ARFGEF2: variants seen among roughly 807,000 people sequenced by gnomAD.
The protein encoded by ARFGEF2 is brefeldin A-inhibited guanine nucleotide-exchange protein 2.
Under a neutral mutation model 219.9 loss-of-function variants are expected in ARFGEF2, and 74 were observed. That is an observed-to-expected ratio of 0.34 (90% CI 0.28 to 0.41). The LOEUF (loss-of-function observed/expected upper bound fraction) is 0.41, where lower values mean the gene tolerates loss of function less well. Ranked by LOEUF, ARFGEF2 falls within the 10% of genes least tolerant of loss-of-function variation. The pLI, the probability that ARFGEF2 is intolerant of heterozygous loss-of-function variation, is 1.00. For synonymous variants in ARFGEF2, 733 were observed against 799.2 expected, an observed-to-expected ratio of 0.92 and a Z score of 1.40; for missense variants, 1,743 against 2,218.3, an observed-to-expected ratio of 0.79 and a Z score of 4.30.
In ARFGEF2 at chr20:49,006,022, G is replaced by A. The variant is rs766170563; in HGVS notation, c.3584+801G>A. 5.1e-4 allele frequency among the ~76,000 whole-genome samples: 77 copies of A among 151,892 alleles called. 2 individuals are homozygous for A. The highest frequency in any genetic ancestry group is 6.9e-4 in the Non-Finnish European group (47 of 67,964). On this transcript the variant is annotated intron_variant, in intron 26 of 38. Coordinates refer to ENST00000371917, the MANE Select transcript of ARFGEF2 (RefSeq NM_006420.3). ...TTTAAAATCCTGTGTTTGGCCGGGC[G>A]CGGTGGCTCATGCCTGTAATCCCAA...
Position 49,021,269 on chromosome 20 carries a change from A to C in ARFGEF2, c.4625-1782A>C, listed in dbSNP as rs1170817651. On this transcript the variant is annotated intron_variant, in intron 34 of 38. Coordinates refer to ENST00000371917, the MANE Select transcript of ARFGEF2 (RefSeq NM_006420.3). ...AAAAAAAAATTTTTTTTTTAATGAA[A>C]AAAATGAAAAAATAATTTCACAGCC... Among the ~76,000 whole-genome samples, 3 of 152,054 alleles carry C rather than the reference A, an allele frequency of 2.0e-5. No individual in the cohort carries two copies. In the East Asian group the frequency reaches 5.8e-4, roughly 30 times the overall value.
chr20:49,034,170 T>C lies in ARFGEF2; in HGVS notation c.*971T>C, dbSNP rs1232838003. 1 of 152,180 alleles carries C rather than the reference T, an allele frequency of 6.6e-6. No homozygotes were observed. The highest frequency in any genetic ancestry group is 6.5e-5 in the Admixed American group (1 of 15,284). 9.4% of individuals were successfully genotyped at this position (152,180 alleles called of 1,614,324 possible). ...GTGTCACTGCTTTGCACAGTCCCCATTAAAGGACCCTCCAGAGAGGGACAG... is the reference window on the plus strand; with the variant it reads ...GTGTCACTGCTTTGCACAGTCCCCACTAAAGGACCCTCCAGAGAGGGACAG... On this transcript the variant is annotated 3_prime_UTR_variant, in exon 39 of 39. Coordinates refer to ENST00000371917, the MANE Select transcript of ARFGEF2 (RefSeq NM_006420.3).
chr20:48,981,568 CAG>C (rs2091295987), intron 14 of ARFGEF2, among the ~76,000 whole-genome samples: 1 of 152,136 alleles, frequency 6.6e-6, no homozygotes, highest in African/African-American at 2.4e-5. Context: ...TAATATCCTG[CAG>C]AGTGTTTTCC....
At chr20:49,014,115 C>A (rs1236011374) in intron 30 of ARFGEF2, among the ~76,000 whole-genome samples, 155 bp downstream of exon 30, 1 of 151,994 alleles carries the variant, frequency 6.6e-6, no homozygotes, top group South Asian at 2.1e-4. Context: ...CTGATACTCT[C>A]CTACCAGTAT....
At chr20:48,974,637 T>C (rs2091249565) in intron 12 of ARFGEF2, 129 bp from the exon 13 acceptor site, 2 of 734,398 alleles carry the variant, frequency 2.7e-6, no homozygotes, top group Non-Finnish European at 4.8e-6. Context: ...CTGGGTTTGT[T>C]TCATTCTTAA....
rs1423806759 is a variant in ARFGEF2, at chr20:49,035,994, A to G, written c.*2795A>G. ...TGGCAGGTGACTTTTGTACGAAATG[A>G]AAAAAAAAAAACCTGTATTTTTTTT... On this transcript the variant is annotated 3_prime_UTR_variant, in exon 39 of 39. Transcript: ENST00000371917. The G allele has an allele frequency of 1.5e-5, 3 of 194,344 alleles. No homozygotes were observed. The highest frequency in any genetic ancestry group is 1.8e-4 in the Admixed American group (2 of 11,310). 12.0% of individuals were successfully genotyped at this position (194,344 alleles called of 1,614,324 possible). A position where few individuals can be genotyped will look rare whatever the true frequency, so the allele number is the denominator to read the frequency against.
intron 37 of ARFGEF2, among the ~76,000 whole-genome samples, chr20:49,030,332 T>G (rs1202312455): frequency 1.3e-5 from 2 of 152,118 alleles, no homozygotes; most frequent in African/African-American, 4.8e-5. Context: ...GGGCATTTTA[T>G]TTGTTTTTTT....
At chr20:48,940,979 T>TTA (rs1227006257) in intron 1 of ARFGEF2, among the ~76,000 whole-genome samples, 9 of 152,222 alleles carry the variant, frequency 5.9e-5, no homozygotes, top group Non-Finnish European at 1.0e-4. Flanking sequence ...GAGGGCTAAA[T>TTA]GAGCTAAAAC....
In ARFGEF2 at chr20:48,932,868, G is replaced by A. The variant is rs1008506620; in HGVS notation, c.122-8331G>A. Reference sequence around the variant, plus strand: ...GTGACTGGGAGCTAAAGGAATTTAGGGGCAGCGTTGGTTTCTGTGGGGGAA... The same window carrying A: ...GTGACTGGGAGCTAAAGGAATTTAGAGGCAGCGTTGGTTTCTGTGGGGGAA... On this transcript the variant is annotated intron_variant, in intron 1 of 38. Coordinates refer to ENST00000371917, the MANE Select transcript of ARFGEF2 (RefSeq NM_006420.3). Among the ~76,000 whole-genome samples the A allele has an allele frequency of 2.6e-5, 4 of 152,156 alleles. No homozygotes were observed. In the East Asian group the frequency reaches 7.7e-4, roughly 29 times the overall value.
In ARFGEF2 at chr20:48,921,775, GGCGGCGCGGACGGAC is replaced by G; in HGVS notation, c.-109_-95del. 1 of 1,101,134 alleles carries G rather than the reference GGCGGCGCGGACGGAC, an allele frequency of 9.1e-7. No individual in the cohort carries two copies. The highest frequency in any genetic ancestry group is 1.1e-6 in the Non-Finnish European group (1 of 887,104). The allele number at this position is 1,101,134 out of a possible 1,614,324, so 68.2% of individuals were successfully genotyped here. A position where few individuals can be genotyped will look rare whatever the true frequency, so the allele number is the denominator to read the frequency against. On this transcript the variant is annotated 5_prime_UTR_variant, in exon 1 of 39. Coordinates refer to ENST00000371917, the MANE Select transcript of ARFGEF2 (RefSeq NM_006420.3). ...GGGCCGAGGTGTCGCTTCCTGACGG[GGCGGCGCGGACGGAC>G]GCGGCCGGTGCCGGCCGGGACGCCG...
chr20:49,004,979 GA>G, intron 25 of ARFGEF2, 90 bp from the exon 26 acceptor site: 2 of 1,402,762 alleles, frequency 1.4e-6, no homozygotes, highest in Non-Finnish European at 1.0e-6. Flanking sequence ...TGTTTGTTTT[GA>G]AGGTAGGCTG....
chr20:49,033,363 T>A lies in ARFGEF2; in HGVS notation c.*164T>A. 1.4e-6 allele frequency: 1 copy of A among 723,912 alleles called. No homozygotes were observed. Among genetic ancestry groups the A allele is most frequent in the South Asian group, 1.7e-5 (1 of 59,352 alleles). The allele number at this position is 723,912 out of a possible 1,614,324, so 44.8% of individuals were successfully genotyped here. A position where few individuals can be genotyped will look rare whatever the true frequency, so the allele number is the denominator to read the frequency against. ...ACGCTGTTCCATCACAGTCTCCAAC[T>A]AAGGCTTATGGTATTTCATTAAACT... On this transcript the variant is annotated 3_prime_UTR_variant, in exon 39 of 39. Transcript: ENST00000371917.
chr20:48,950,121 C>A (rs150177585), intron 3 of ARFGEF2, among the ~76,000 whole-genome samples: 81 of 152,260 alleles, frequency 5.3e-4, no homozygotes, highest in African/African-American at 1.8e-3. Context: ...CCAGCTCTGT[C>A]CTCCATGCTG....
intron 26 of ARFGEF2, among the ~76,000 whole-genome samples, chr20:49,006,916 A>G (rs6095393): frequency 0.1 from 14,959 of 150,202 alleles, 999 homozygotes; most frequent in African/African-American, 0.19. Flanking sequence ...TCCTGACCTC[A>G]TGATCCGCCC....
chr20:48,991,520 G>A (rs1358542058), intron 21 of ARFGEF2, among the ~76,000 whole-genome samples: 1 of 150,056 alleles, frequency 6.7e-6, no homozygotes, highest in Non-Finnish European at 1.5e-5. Flanking sequence ...GAGCTCCTGT[G>A]ATCAATGTGT....
rs368886420 is a variant in ARFGEF2, at chr20:48,963,837, T to A, written c.846T>A (p.Asp282Glu). Reference sequence around the variant, plus strand: ...ATTTGGATGTGTGTGTAGGGACTGATGACGGAGCCCAGGAGGTGGTGAAGG... The same window carrying A: ...ATTTGGATGTGTGTGTAGGGACTGAAGACGGAGCCCAGGAGGTGGTGAAGG... ...RERGSSLSGT[D>E]DGAQEVVKDI... Residue 282 changes from aspartate to glutamate, a missense_variant, in exon 7 of 39, where the codon GAT becomes GAA. Asp to Glu is a conservative substitution (Grantham distance 45, BLOSUM62 2). Around this residue, in one of 5 missense-constraint regions of ARFGEF2, gnomAD observed 394 missense variants for 426.6 expected, o/e 0.92. Coordinates refer to ENST00000371917, the MANE Select transcript of ARFGEF2 (RefSeq NM_006420.3). The A allele has an allele frequency of 6.9e-5, 112 of 1,613,874 alleles. No individual in the cohort carries two copies. The highest frequency in any genetic ancestry group is 9.2e-5 in the Non-Finnish European group (108 of 1,179,966).
intron 26 of ARFGEF2, among the ~76,000 whole-genome samples, chr20:49,006,474 A>G (rs2091459967): frequency 6.6e-6 from 1 of 152,196 alleles, no homozygotes; most frequent in Non-Finnish European, 1.5e-5. Context: ...CAATAGAAAA[A>G]CAAATAAATA....
At chr20:49,002,905 C>G (rs1373150813) in intron 25 of ARFGEF2, among the ~76,000 whole-genome samples, 1 of 152,086 alleles carries the variant, frequency 6.6e-6, no homozygotes, top group African/African-American at 2.4e-5. Context: ...CTCAGCCTCC[C>G]AAAGTGCTGG....
At position 49,017,673 on chromosome 20, in the gene ARFGEF2, A is replaced by C. The variant is rs2091539524; in HGVS notation, c.4509+123A>C. On this transcript the variant is annotated intron_variant, in intron 33 of 38. Transcript: ENST00000371917. ...GAGTAAAATTATAAGATCTAAAAAT[A>C]GTATATATTCATAATATATTTTTTA... is the stretch of plus-strand genomic sequence containing the variant. The C allele has an allele frequency of 5.4e-6, 5 of 925,684 alleles. No homozygotes were observed. The Admixed American group carries it at 1.0e-4, about 19-fold the overall frequency. The allele number at this position is 925,684 out of a possible 1,614,324, so 57.3% of individuals were successfully genotyped here. A position where few individuals can be genotyped will look rare whatever the true frequency, so the allele number is the denominator to read the frequency against.
Sources: gnomAD v4.1 joint callset for allele counts (sites outside exome capture counted in the v4.1 genomes callset) on GRCh38, gnomAD v4.1.1 for gene constraint, gnomAD v4.1.1 regional missense constraint, MANE v1.5 for transcripts, NCBI Gene and HGNC (gene_info 2026-07-23, HGNC 2026-07-21) for gene names.